Variants in CFAP43 observed in about 807,000 individuals in gnomAD.
The protein encoded by CFAP43 is cilia and flagella associated protein 43.
Under a neutral mutation model 218.9 loss-of-function variants are expected in CFAP43, and 155 were observed. The observed-to-expected ratio is 0.71, with a 90% CI of 0.62 to 0.81. The LOEUF (loss-of-function observed/expected upper bound fraction) is 0.81, where lower values mean the gene tolerates loss of function less well. CFAP43 is among the 30% of genes least tolerant of loss of function. The probability of loss-of-function intolerance (pLI) is 0.00; values close to 1 mark genes in which losing one functional copy is unlikely to be tolerated. For synonymous variants in CFAP43, 645 were observed against 681.3 expected (o/e 0.95, Z 0.83); for missense variants, 1,778 against 1,954.3 (o/e 0.91, Z 1.70).
rs17750886 is a variant in CFAP43 at position 104,167,702 on chromosome 10, C to T, written c.2727G>A (p.Pro909=). The T allele has an allele frequency of 0.12, 190,093 of 1,609,170 alleles. 12,465 individuals carry two copies. Among genetic ancestry groups the T allele is most frequent in the Non-Finnish European group, 0.13 (154,429 of 1,178,286 alleles). Reference sequence around the variant, plus strand: ...GCTCTTCAACCGTGCGCGCTTTCATCGGGAAGTTTTCAACCACACAGGGGA... The same window carrying T: ...GCTCTTCAACCGTGCGCGCTTTCATTGGGAAGTTTTCAACCACACAGGGGA... ...FHIPCVVENF[P]MKARTVEELK... is the part of the protein sequence containing the mutation. Residue 909 remains proline, a synonymous_variant, in exon 22 of 38, where the codon CCG becomes CCA. Transcript: ENST00000357060.
At chr10:104,232,137 G>T (rs3740468) in intron 1 of CFAP43, 45 bp downstream of exon 1, 83,396 of 1,580,692 alleles carry the variant, frequency 0.053, 5,485 homozygotes, top group African/African-American at 0.33. Flanking sequence ...TGGGGCAGGA[G>T]GTTCCGCGAG....
intron 27 of CFAP43, among the ~76,000 whole-genome samples, chr10:104,157,775 T>TGTGTGTGTGTGTGAGAGA (rs1484523345): frequency 2.2e-5 from 2 of 90,104 alleles, no homozygotes; most frequent in African/African-American, 1.0e-4. Context: ...TGTGTGTGTG[T>TGTGTGTGTGTGTGAGAGA]GAGAGAGAGA....
In CFAP43 at chr10:104,162,031, G is replaced by T. The variant is rs145489927; in HGVS notation, c.3344C>A (p.Thr1115Lys). Residue 1115 changes from threonine to lysine, a missense_variant, in exon 26 of 38, where the codon ACA becomes AAA. By Grantham distance (78) the Thr-to-Lys change is moderately conservative. This residue lies in a region of CFAP43 where 1,553 missense variants were observed against 1,685.2 expected (regional missense o/e 0.92). Coordinates refer to ENST00000357060, the MANE Select transcript of CFAP43 (RefSeq NM_025145.7). ...CATGTCCATCAGAGCTCGGAGTCTT[G>T]TACTGGCATCCTGGGAAAGAGCCAG... ...EHWLLIQDAS[T>K]RLRALMDMMG... 1.1e-5 allele frequency: 17 copies of T among 1,612,934 alleles called. No homozygotes were observed. The African/African-American group carries it at 1.7e-4, about 16-fold the overall frequency.
chr10:104,184,669 A>G (rs1447669313), intron 16 of CFAP43, among the ~76,000 whole-genome samples: 2 of 152,018 alleles, frequency 1.3e-5, no homozygotes, highest in African/African-American at 4.8e-5. Flanking sequence ...TAATCACCCC[A>G]GGGCCAAGTA....
intron 17 of CFAP43, 40 bp from the exon 18 acceptor site, chr10:104,179,972 A>T (rs1435383671): frequency 7.2e-6 from 11 of 1,537,582 alleles, no homozygotes; most frequent in Non-Finnish European, 9.8e-6. Flanking sequence ...TCTTAAAGTT[A>T]AAATTCATCA....
At chr10:104,144,627 TGACA>T (rs780815547) in intron 31 of CFAP43, among the ~76,000 whole-genome samples, 1 of 152,008 alleles carries the variant, frequency 6.6e-6, no homozygotes, top group African/African-American at 2.4e-5. Context: ...CCAGCCTGGG[TGACA>T]GACAGAGACT....
At chr10:104,193,562 C>T (rs1163611399) in intron 11 of CFAP43, 4 of 294,906 alleles carry the variant, frequency 1.4e-5, no homozygotes, top group Non-Finnish European at 2.6e-5. Context: ...ACACTATACA[C>T]ACATGATGGC....
At chr10:104,178,887 T>C in intron 19 of CFAP43, 142 bp downstream of exon 19, 2 of 564,096 alleles carry the variant, frequency 3.5e-6, no homozygotes, top group Non-Finnish European at 3.0e-6. Context: ...AGAAATTTTA[T>C]CTTGTTAAAG....
Position 104,193,920 on chromosome 10 carries a change from G to A in CFAP43, c.1388C>T (p.Ser463Phe). The part of the protein sequence containing the change: ...VYFISVYDKE[S>F]PQVVHKAFLS... The stretch of plus-strand genomic sequence containing the variant: ...AAAGGCCTTGTGCACGACCTGAGGG[G>A]ATTCCTTATCATATACGCTGATGAA... Residue 463 changes from serine (S) to phenylalanine (F), a missense_variant, in exon 11 of 38, where the codon TCC (serine) becomes TTC (phenylalanine). Transcript: ENST00000357060. The A allele has an allele frequency of 6.2e-7, 1 of 1,614,132 alleles. No individual in the cohort carries two copies. The highest frequency in any genetic ancestry group is 8.5e-7 in the Non-Finnish European group (1 of 1,180,034).
rs1249389139 is a variant in CFAP43 at position 104,199,802 on chromosome 10, A to G, written c.1096-1764T>C. ...GTGGTTAAGTTAAATATTAAAAGCT[A>G]ATAGAGCCAGTGCCCTTACACAAAC... is the stretch of plus-strand genomic sequence containing the variant. On this transcript the variant is annotated intron_variant, in intron 8 of 37. Transcript: ENST00000357060. Among the ~76,000 whole-genome samples the G allele has an allele frequency of 1.1e-4, 16 of 148,684 alleles. No individual in the cohort carries two copies. The Admixed American group carries it at 1.1e-3, about 10-fold the overall frequency.
At chr10:104,191,541 T>TGTATCTGAGCCTACACA (rs1489793138) in intron 12 of CFAP43, among the ~76,000 whole-genome samples, 1 of 152,094 alleles carries the variant, frequency 6.6e-6, no homozygotes, top group African/African-American at 2.4e-5. Flanking sequence ...GAATTGCTGC[T>TGTATCTGAGCCTACACA]GTATCTGAGC....
At chr10:104,187,151 T>C (rs999411414) in intron 14 of CFAP43, among the ~76,000 whole-genome samples, 169 bp downstream of exon 14, 1 of 152,214 alleles carries the variant, frequency 6.6e-6, no homozygotes, top group Non-Finnish European at 1.5e-5. Flanking sequence ...GTATGATGGA[T>C]TAACAAATAA....
intron 19 of CFAP43, among the ~76,000 whole-genome samples, chr10:104,178,766 T>C (rs2089718199): frequency 6.6e-6 from 1 of 152,192 alleles, no homozygotes; most frequent in Non-Finnish European, 1.5e-5. Context: ...TTATTTAATC[T>C]GTAAAAATAT....
At chr10:104,230,260 T>G (rs1284645988) in intron 2 of CFAP43, among the ~76,000 whole-genome samples, 1 of 150,702 alleles carries the variant, frequency 6.6e-6, no homozygotes, top group Non-Finnish European at 1.5e-5. Context: ...AGGTCAGGAG[T>G]TGGAGAACAG....
At chr10:104,218,583 C>G (rs375719942) in intron 3 of CFAP43, among the ~76,000 whole-genome samples, 39 of 152,100 alleles carry the variant, frequency 2.6e-4, no homozygotes, top group African/African-American at 9.4e-4. Context: ...CAAGTCATTC[C>G]AGCATGTAGT....
intron 2 of CFAP43, among the ~76,000 whole-genome samples, chr10:104,228,926 GTCTC>G (rs144360812): frequency 2.7e-3 from 410 of 152,072 alleles, no homozygotes; most frequent in Middle Eastern, 6.8e-3. Flanking sequence ...GTGATAACAG[GTCTC>G]TCTGATTAAT....
chr10:104,163,209 T>C (rs1009846532), intron 24 of CFAP43, among the ~76,000 whole-genome samples: 2 of 152,196 alleles, frequency 1.3e-5, no homozygotes, highest in African/African-American at 4.8e-5. Flanking sequence ...GTCAAACTAC[T>C]CAAACTCTCT....
chr10:104,130,805 C>T (rs2087145424), intron 37 of CFAP43, among the ~76,000 whole-genome samples: 1 of 151,862 alleles, frequency 6.6e-6, no homozygotes, highest in South Asian at 2.1e-4. Flanking sequence ...CGAGGCCAGC[C>T]TGGCCAACAT....
intron 7 of CFAP43, among the ~76,000 whole-genome samples, chr10:104,205,067 G>A (rs186832145): frequency 5.9e-4 from 89 of 152,066 alleles, no homozygotes; most frequent in African/African-American, 2.0e-3. Flanking sequence ...ACAATAATTA[G>A]CAGGGCGTGG....
Sources: allele counts gnomAD v4.1 joint callset (sites outside exome capture counted in the v4.1 genomes callset), GRCh38; gene constraint gnomAD v4.1.1; regional missense constraint gnomAD v4.1.1; transcripts MANE v1.5; gene names NCBI Gene and HGNC (gene_info 2026-07-23, HGNC 2026-07-21).